GRIPAP1: variants seen among roughly 807,000 people sequenced by gnomAD.
GRIPAP1 encodes GRIP1-associated protein 1.
A neutral mutation model predicts 84.1 loss-of-function variants in GRIPAP1; 14 were observed. That is an observed-to-expected ratio of 0.17 (90% CI 0.11 to 0.26). The LOEUF (loss-of-function observed/expected upper bound fraction) is 0.26, where lower values mean the gene tolerates loss of function less well. Ranked by LOEUF, GRIPAP1 falls within the 10% of genes least tolerant of loss-of-function variation. The pLI is 1.00. For synonymous variants in GRIPAP1, 261 were observed against 256.8 expected, an observed-to-expected ratio of 1.02 and a Z score of -0.15; for missense variants, 518 against 674.2, an observed-to-expected ratio of 0.77 and a Z score of 2.57.
intron 5 of GRIPAP1, among the ~76,000 whole-genome samples, chrX:48,994,373 G>A (rs1459596312): frequency 1.8e-5 from 2 of 109,757 alleles, no homozygotes; most frequent in East Asian, 2.8e-4. Context: ...ACAGGCATGC[G>A]CCACCGTGCC....
intron 21 of GRIPAP1, 107 bp from the exon 22 acceptor site, chrX:48,978,542 C>T: frequency 1.4e-6 from 1 of 723,668 alleles, no homozygotes; most frequent in Non-Finnish European, 1.9e-6. Context: ...GAAAGAGAGA[C>T]ACCTGGGCAT....
intron 21 of GRIPAP1, among the ~76,000 whole-genome samples, chrX:48,980,356 G>A (rs782018723): frequency 1.1e-4 from 12 of 109,429 alleles, no homozygotes; most frequent in Middle Eastern, 4.6e-3. Flanking sequence ...GTCTGTCTCC[G>A]TAGCTCAACT....
At chrX:48,979,304 C>T (rs888848330) in intron 21 of GRIPAP1, among the ~76,000 whole-genome samples, 4 of 106,003 alleles carry the variant, frequency 3.8e-5, no homozygotes, top group South Asian at 4.4e-4. Context: ...GGTGAAACCC[C>T]GTCTCTACTA....
chrX:48,993,611 G>C (rs781955045), intron 5 of GRIPAP1, 33 bp from the exon 6 acceptor site: 30 of 1,054,206 alleles, frequency 2.8e-5, no homozygotes, highest in Non-Finnish European at 3.0e-5. Flanking sequence ...CAGAGAAGCA[G>C]AGAATCAGAG....
chrX:48,989,479 TG>T (rs1290566985), intron 11 of GRIPAP1, 131 bp downstream of exon 11: 5 of 454,690 alleles, frequency 1.1e-5, no homozygotes, highest in Non-Finnish European at 1.9e-5. Context: ...TCCTAGCTCC[TG>T]GGGGGCCCCA....
At chrX:48,990,645 C>A (rs782743484) in intron 8 of GRIPAP1, 40 bp downstream of exon 8, 2 of 1,118,700 alleles carry the variant, frequency 1.8e-6, no homozygotes, top group Non-Finnish European at 2.4e-6. Flanking sequence ...AAGAATCCAG[C>A]AGATTGGGAG....
chrX:48,990,630 T>C, intron 8 of GRIPAP1, 55 bp downstream of exon 8: 1 of 1,030,970 alleles, frequency 9.7e-7, no homozygotes, highest in South Asian at 2.0e-5. Flanking sequence ...GGGAATGGAA[T>C]GGGAAAGAAT....
rs781962997 is a variant in GRIPAP1 at position 48,999,432 on chromosome X, G to T, written c.109+6C>A. The stretch of plus-strand genomic sequence containing the variant: ...ACCCCCATCTAATAAGGCCCTCCTG[G>T]CTCACCAACACCATTCTTGCGTAGT... On this transcript the variant is annotated splice_donor_region_variant and intron_variant, in intron 2 of 25. Coordinates refer to ENST00000376423, the MANE Select transcript of GRIPAP1 (RefSeq NM_020137.5). 1 of 1,192,730 alleles carries T rather than the reference G, an allele frequency of 8.4e-7. No homozygotes were observed. The highest frequency in any genetic ancestry group is 1.8e-5 in the South Asian group (1 of 56,479).
chrX:48,993,690 C>T, intron 5 of GRIPAP1, 112 bp from the exon 6 acceptor site: 1 of 536,746 alleles, frequency 1.9e-6, no homozygotes, highest in Non-Finnish European at 2.7e-6. Context: ...CCATAATGAC[C>T]CTATGATATA....
At chrX:48,985,665 G>A (rs2064482997) in intron 13 of GRIPAP1, among the ~76,000 whole-genome samples, 1 of 112,322 alleles carries the variant, frequency 8.9e-6, no homozygotes, top group Non-Finnish European at 1.9e-5. Context: ...AGAAGTCAGA[G>A]ACAAAGAGCA....
At chrX:48,995,003 T>C (rs1347965215) in intron 5 of GRIPAP1, among the ~76,000 whole-genome samples, 2 of 112,383 alleles carry the variant, frequency 1.8e-5, no homozygotes, top group Non-Finnish European at 3.8e-5. Flanking sequence ...ACCCCCAGAA[T>C]GTAAGCTACC....
chrX:49,001,692 C>T, intron 1 of GRIPAP1, among the ~76,000 whole-genome samples: 1 of 110,241 alleles, frequency 9.1e-6, no homozygotes, highest in East Asian at 2.9e-4. Flanking sequence ...ATGACAACAT[C>T]TGGGGTCTTT....
intron 6 of GRIPAP1, among the ~76,000 whole-genome samples, chrX:48,992,727 C>A (rs2064526682): frequency 8.9e-6 from 1 of 112,171 alleles, no homozygotes; most frequent in Admixed American, 9.5e-5. Context: ...CTCCCACACT[C>A]TATCAAGCTT....
intron 13 of GRIPAP1, among the ~76,000 whole-genome samples, chrX:48,985,951 G>A (rs1013099844): frequency 3.6e-5 from 4 of 111,054 alleles, no homozygotes; most frequent in African/African-American, 1.3e-4. Context: ...TAGAAACAAA[G>A]AAAAGCAGAA....
At chrX:48,997,892 G>T in intron 4 of GRIPAP1, 2 of 391,606 alleles carry the variant, frequency 5.1e-6, no homozygotes, top group Admixed American at 4.8e-5. Context: ...GAAGAGAAAT[G>T]AGTCAGAGAG....
intron 6 of GRIPAP1, among the ~76,000 whole-genome samples, chrX:48,992,804 C>G (rs782719239): frequency 4.5e-5 from 5 of 111,628 alleles, no homozygotes; most frequent in Admixed American, 9.6e-5. Flanking sequence ...ACTCCATTCA[C>G]TTTTTCACTT....
At chrX:48,980,431 G>A (rs1557061752) in intron 21 of GRIPAP1, among the ~76,000 whole-genome samples, 1 of 110,880 alleles carries the variant, frequency 9.0e-6, no homozygotes, top group Non-Finnish European at 1.9e-5. Flanking sequence ...TGAGCAGGGA[G>A]ATTTATAGAA....
At chrX:48,990,775 G>A in intron 7 of GRIPAP1, 43 bp from the exon 8 acceptor site, 1 of 1,149,079 alleles carries the variant, frequency 8.7e-7, no homozygotes, top group Non-Finnish European at 1.2e-6. Context: ...TGTTAGCAAG[G>A]ACAAGGAGAA....
intron 17 of GRIPAP1, among the ~76,000 whole-genome samples, chrX:48,982,656 G>A (rs1251384138): frequency 8.9e-6 from 1 of 112,757 alleles, no homozygotes; most frequent in African/African-American, 3.2e-5. Context: ...GATTACAGGC[G>A]TGAGCCACCG....
Sources: allele counts gnomAD v4.1 joint callset (sites outside exome capture counted in the v4.1 genomes callset), GRCh38; gene constraint gnomAD v4.1.1; transcripts MANE v1.5; gene names NCBI Gene and HGNC (gene_info 2026-07-23, HGNC 2026-07-21).